The following SENP6 variants were observed in gnomAD, a reference collection of about 807,000 sequenced individuals.
SENP6 encodes the protein SUMO specific peptidase 6, also known as sentrin-specific protease 6.
Under a neutral mutation model 134.5 loss-of-function variants are expected in SENP6, and 41 were observed. That is an observed-to-expected ratio of 0.30 (90% CI 0.24 to 0.40). SENP6 has a LOEUF of 0.40. SENP6 is among the 10% of genes least tolerant of loss of function. The probability of loss-of-function intolerance (pLI) is 1.00; values close to 1 mark genes in which losing one functional copy is unlikely to be tolerated. For synonymous variants in SENP6, 395 were observed against 429.8 expected (o/e 0.92, Z 1.00); for missense variants, 1,248 against 1,312.5 (o/e 0.95, Z 0.76).
chr6:75,661,043 T>C (rs1305557763), intron 8 of SENP6, among the ~76,000 whole-genome samples: 1 of 152,184 alleles, frequency 6.6e-6, no homozygotes, highest in Non-Finnish European at 1.5e-5. Context: ...ATTTGGGCAC[T>C]AGTTATGTTC....
At chr6:75,654,865 A>G (rs1208819894) in intron 7 of SENP6, 1 of 152,180 alleles carries the variant, frequency 6.6e-6, no homozygotes, top group Non-Finnish European at 1.5e-5. Context: ...GTGTATATCT[A>G]TGTGGTAGAT....
chr6:75,681,941 T>G (rs1393273720), intron 16 of SENP6, among the ~76,000 whole-genome samples: 1 of 151,614 alleles, frequency 6.6e-6, no homozygotes, highest in Non-Finnish European at 1.5e-5. Context: ...ACTGAAATAA[T>G]GACTTCAGGG....
intron 16 of SENP6, among the ~76,000 whole-genome samples, chr6:75,683,382 C>T (rs535499577): frequency 5.8e-4 from 88 of 152,172 alleles, no homozygotes; most frequent in African/African-American, 1.8e-3. Flanking sequence ...TTTTGCCATG[C>T]GGAAGTTCTT....
Position 75,697,439 on chromosome 6 carries a change from G to A in SENP6, c.2210G>A (p.Arg737Gln), listed in dbSNP as rs772085179. The part of the protein sequence containing the change: ...ETTNLSIQQK[R>Q]HGRVKTWTRH... ...CTTTCTTACAGAATACAGCAAAAAC[G>A]GCATGGGAGAGTAAAAACATGGACC... The change falls in exon 18 of 24, where the codon CGG (arginine) becomes CAG (glutamine). Residue 737 changes from arginine to glutamine, a missense_variant. Arg to Gln is a conservative substitution (Grantham distance 43). Around this residue, in one of 3 missense-constraint regions of SENP6, gnomAD observed 129 missense variants for 192.0 expected, o/e 0.67. Transcript: ENST00000447266. 13 of 1,611,190 alleles carry A rather than the reference G, an allele frequency of 8.1e-6. No homozygotes were observed. Among genetic ancestry groups the A allele is most frequent in the East Asian group, 2.2e-5 (1 of 44,816 alleles).
At chr6:75,672,769 G>T (rs1772776133) in intron 11 of SENP6, among the ~76,000 whole-genome samples, 1 of 152,064 alleles carries the variant, frequency 6.6e-6, no homozygotes, top group Non-Finnish European at 1.5e-5. Context: ...CTTATTATTA[G>T]ATAATTTAAT....
chr6:75,669,736 C>T (rs1049854700), intron 10 of SENP6, among the ~76,000 whole-genome samples: 10 of 152,100 alleles, frequency 6.6e-5, no homozygotes, highest in Non-Finnish European at 1.3e-4. Flanking sequence ...TAACAATTCT[C>T]CTAAATTGCT....
intron 8 of SENP6, among the ~76,000 whole-genome samples, chr6:75,660,966 T>G (rs1771728933): frequency 6.6e-6 from 1 of 152,100 alleles, no homozygotes; most frequent in Admixed American, 6.5e-5. Context: ...CTAGAGTCAT[T>G]CATTTCTCTG....
chr6:75,617,652 G>T (rs1428700908), intron 1 of SENP6, among the ~76,000 whole-genome samples: 1 of 152,106 alleles, frequency 6.6e-6, no homozygotes, highest in African/African-American at 2.4e-5. Flanking sequence ...GTGTATGTTT[G>T]TCACAACTAT....
chr6:75,633,328 G>T (rs1387405798), intron 3 of SENP6, among the ~76,000 whole-genome samples: 1 of 151,942 alleles, frequency 6.6e-6, no homozygotes, highest in Non-Finnish European at 1.5e-5. Context: ...TACCCTAATT[G>T]TCTCAAATAT....
At chr6:75,684,469 T>C (rs1257590216) in intron 16 of SENP6, among the ~76,000 whole-genome samples, 3 of 152,230 alleles carry the variant, frequency 2.0e-5, no homozygotes, top group Non-Finnish European at 2.9e-5. Context: ...CATCCTTGTC[T>C]TGTGCTGGTT....
intron 11 of SENP6, among the ~76,000 whole-genome samples, chr6:75,674,563 T>A (rs987740969): frequency 1.3e-5 from 2 of 152,142 alleles, no homozygotes; most frequent in Non-Finnish European, 2.9e-5. Context: ...GCTCAAGCCA[T>A]CCTCCCAAAA....
At position 75,675,854 on chromosome 6, in the gene SENP6, C is replaced by A; in HGVS notation, c.1427-6C>A. On this transcript the variant is annotated splice_region_variant and splice_polypyrimidine_tract_variant and intron_variant, in intron 12 of 23. Transcript: ENST00000447266. ...TTATTTTTCCATTTCATTTGTTTTC[C>A]TCCAGAACCAGACCATGATCCTGTA... The A allele has an allele frequency of 1.3e-6, 2 of 1,564,884 alleles. No homozygotes were observed. Among genetic ancestry groups the A allele is most frequent in the South Asian group, 2.4e-5 (2 of 82,542 alleles).
chr6:75,693,409 T>TAAAAAAAAAAAAA (rs534341760), intron 16 of SENP6, among the ~76,000 whole-genome samples: 2 of 123,994 alleles, frequency 1.6e-5, no homozygotes, highest in African/African-American at 3.1e-5. Flanking sequence ...GTCTGAAATT[T>TAAAAAAAAAAAAA]AAAAAAAAAA....
chr6:75,605,561 C>T (rs1425263305), intron 1 of SENP6, among the ~76,000 whole-genome samples: 1 of 152,158 alleles, frequency 6.6e-6, no homozygotes, highest in Non-Finnish European at 1.5e-5. Context: ...GGAGGTTACA[C>T]TTAATTAAGT....
At chr6:75,671,884 A>G (rs1342141962) in intron 11 of SENP6, among the ~76,000 whole-genome samples, 1 of 152,204 alleles carries the variant, frequency 6.6e-6, no homozygotes, top group African/African-American at 2.4e-5. Context: ...AGAAAATGAA[A>G]TGTGAACCTG....
At chr6:75,638,606 ATATATATATATATATATTTTTTT>A (rs1769744099) in intron 5 of SENP6, among the ~76,000 whole-genome samples, 1 of 39,130 alleles carries the variant, frequency 2.6e-5, no homozygotes, top group South Asian at 1.1e-3. Flanking sequence ...ATATATATAT[ATATATATATATATATATTTTTTT>A]TTTTTTTTTT....
At chr6:75,666,459 C>G (rs1176104855) in intron 9 of SENP6, among the ~76,000 whole-genome samples, 3 of 150,516 alleles carry the variant, frequency 2.0e-5, no homozygotes, top group Non-Finnish European at 4.4e-5. Context: ...ACTGTAAAAT[C>G]AAATTTTATA....
At chr6:75,691,843 C>T (rs1774297255) in intron 16 of SENP6, among the ~76,000 whole-genome samples, 1 of 152,050 alleles carries the variant, frequency 6.6e-6, no homozygotes, top group Admixed American at 6.6e-5. Flanking sequence ...ATCCGCCCGC[C>T]TCGGCCTCCC....
Position 75,602,543 on chromosome 6 carries a change from G to T in SENP6, c.19G>T (p.Gly7Cys). The change falls in exon 1 of 24, where the codon GGC becomes TGC. Residue 7 changes from glycine to cysteine, a missense_variant. Gly to Cys is a radical substitution (Grantham distance 159, BLOSUM62 -3). Transcript: ENST00000447266. The part of the protein sequence containing the change: MAAGKS[G>C]GSAGEITFLE... The stretch of plus-strand genomic sequence containing the variant: ...GAGGAAGATGGCGGCCGGCAAGAGC[G>T]GCGGTAGCGCAGGGGAGATTACTTT... 2.6e-6 allele frequency: 4 copies of T among 1,551,606 alleles called. No homozygotes were observed. The highest frequency in any genetic ancestry group is 3.5e-6 in the Non-Finnish European group (4 of 1,146,946).
Sources: gnomAD v4.1 joint callset for allele counts (sites outside exome capture counted in the v4.1 genomes callset) on GRCh38, gnomAD v4.1.1 for gene constraint, gnomAD v4.1.1 regional missense constraint, MANE v1.5 for transcripts, NCBI Gene and HGNC (gene_info 2026-07-23, HGNC 2026-07-21) for gene names.